Variants in ATE1 observed in about 807,000 individuals in gnomAD.
The protein encoded by ATE1 is arginyltransferase 1.
Under a neutral mutation model 70.5 loss-of-function variants are expected in ATE1, and 36 were observed. The observed-to-expected ratio is 0.51, with a 90% confidence interval of 0.39 to 0.67. The LOEUF (loss-of-function observed/expected upper bound fraction) is 0.67. Ranked by LOEUF, ATE1 falls within the 30% of genes least tolerant of loss-of-function variation. ATE1 has a pLI of 0.00. For synonymous variants in ATE1, 232 were observed against 219.3 expected, an observed-to-expected ratio of 1.06 and a Z score of -0.51; for missense variants, 593 against 629.5, an observed-to-expected ratio of 0.94 and a Z score of 0.62.
intron 7 of ATE1, among the ~76,000 whole-genome samples, chr10:121,894,276 A>G (rs745370932): frequency 4.6e-5 from 7 of 152,194 alleles, no homozygotes; most frequent in Non-Finnish European, 8.8e-5. Flanking sequence ...CACTTCAATG[A>G]AAAGGGACAC....
At chr10:121,834,180 C>T (rs1948350533) in intron 10 of ATE1, among the ~76,000 whole-genome samples, 1 of 152,160 alleles carries the variant, frequency 6.6e-6, no homozygotes, top group Non-Finnish European at 1.5e-5. Context: ...AGAGAGGACC[C>T]TCTGACTACA....
chr10:121,916,339 G>A (rs571449855), intron 3 of ATE1, among the ~76,000 whole-genome samples: 9 of 152,228 alleles, frequency 5.9e-5, no homozygotes, highest in South Asian at 2.1e-4. Context: ...GTAATAATAC[G>A]ATAGTGGAAC....
intron 4 of ATE1, among the ~76,000 whole-genome samples, chr10:121,911,443 A>AAG (rs1564957328): frequency 4.3e-5 from 2 of 46,292 alleles, no homozygotes; most frequent in Non-Finnish European, 6.2e-5. Flanking sequence ...ACAGTAAATT[A>AAG]AAAAAAAAAA....
At chr10:121,871,729 CA>C (rs1203543650) in intron 7 of ATE1, among the ~76,000 whole-genome samples, 1 of 145,236 alleles carries the variant, frequency 6.9e-6, no homozygotes, top group African/African-American at 2.5e-5. Flanking sequence ...CAGTAGGAAG[CA>C]AAAAAAAAGG....
intron 8 of ATE1, among the ~76,000 whole-genome samples, chr10:121,855,335 T>G (rs1415072711): frequency 6.6e-6 from 1 of 152,230 alleles, no homozygotes; most frequent in Non-Finnish European, 1.5e-5. Context: ...TAGATTTCAT[T>G]TATGGTCTCT....
chr10:121,766,739 C>A (rs1178253669), intron 11 of ATE1, among the ~76,000 whole-genome samples: 1 of 151,994 alleles, frequency 6.6e-6, no homozygotes, highest in Non-Finnish European at 1.5e-5. Context: ...CATAATTCAG[C>A]CAATATGAAA....
intron 7 of ATE1, among the ~76,000 whole-genome samples, chr10:121,892,174 G>A (rs777570720): frequency 2.0e-5 from 3 of 151,944 alleles, no homozygotes; most frequent in Non-Finnish European, 2.9e-5. Flanking sequence ...CACAGATAGT[G>A]CACTCTCTAT....
At chr10:121,925,594 T>C (rs1295897115) in intron 1 of ATE1, among the ~76,000 whole-genome samples, 2 of 151,934 alleles carry the variant, frequency 1.3e-5, no homozygotes, top group African/African-American at 2.4e-5. Context: ...ACTAAAGGCT[T>C]CATGAGGTGG....
chr10:121,760,344 T>G (rs1944987323), intron 11 of ATE1, among the ~76,000 whole-genome samples: 1 of 152,234 alleles, frequency 6.6e-6, no homozygotes, highest in African/African-American at 2.4e-5. Flanking sequence ...GAAAACCTTC[T>G]GGAAAGGATC....
rs995036571 is a variant in ATE1, at chr10:121,743,157, C to T, written c.*523G>A. The T allele has an allele frequency of 6.6e-6, 1 of 152,500 alleles. No homozygotes were observed. Among genetic ancestry groups the T allele is most frequent in the Non-Finnish European group, 1.5e-5 (1 of 68,282 alleles). 9.4% of individuals were successfully genotyped at this position (152,500 alleles called of 1,614,324 possible). On this transcript the variant is annotated 3_prime_UTR_variant, in exon 12 of 12. Transcript: ENST00000224652. ...TCAAGTTCTCTATTAAACTACATAA[C>T]ATTTGGCAGCAATTTCACATTGAAC...
chr10:121,837,954 C>T (rs1038226169), intron 9 of ATE1, among the ~76,000 whole-genome samples: 1 of 152,110 alleles, frequency 6.6e-6, no homozygotes, highest in African/African-American at 2.4e-5. Context: ...GTTCTGGCCC[C>T]AAACCTTGGA....
chr10:121,743,809 C>T lies in ATE1; in HGVS notation c.1428G>A (p.Lys476=), dbSNP rs1247309704. The T allele has an allele frequency of 1.9e-6, 3 of 1,613,522 alleles. No homozygotes were observed. The highest frequency in any genetic ancestry group is 2.5e-6 in the Non-Finnish European group (3 of 1,179,950). The change falls in exon 12 of 12, where the codon AAG becomes AAA. Residue 476 remains lysine, a synonymous_variant. Transcript: ENST00000224652. The stretch of plus-strand genomic sequence containing the variant: ...AAACACCGTAAGGCATGATGGCTCT[C>T]TTGTGAAACACCTGCAATCGGTCAG... ...TEPDRLQVFH[K]RAIMPYGVYK...
At chr10:121,743,915 C>CT in intron 11 of ATE1, 57 bp from the exon 12 acceptor site, 7 of 1,169,430 alleles carry the variant, frequency 6.0e-6, no homozygotes, top group Admixed American at 8.2e-5. Flanking sequence ...CTTTTTGTTT[C>CT]CTTTTTTTTT....
chr10:121,781,503 C>T (rs1310599464), intron 11 of ATE1, among the ~76,000 whole-genome samples: 8 of 152,230 alleles, frequency 5.3e-5, no homozygotes, highest in Non-Finnish European at 1.2e-4. Context: ...GACTGAGCTC[C>T]AGTCCTTAGA....
At chr10:121,814,931 T>A (rs1947475373) in intron 10 of ATE1, among the ~76,000 whole-genome samples, 1 of 152,208 alleles carries the variant, frequency 6.6e-6, no homozygotes, top group Non-Finnish European at 1.5e-5. Context: ...CTCAAATATA[T>A]GTGCCAACAG....
intron 11 of ATE1, among the ~76,000 whole-genome samples, chr10:121,749,898 GTATAA>G (rs1415366589): frequency 1.3e-5 from 2 of 152,128 alleles, no homozygotes; most frequent in Admixed American, 6.6e-5. Flanking sequence ...CCTTCAGTGG[GTATAA>G]TATATTAACT....
chr10:121,924,214 T>C, intron 2 of ATE1, 52 bp downstream of exon 2: 1 of 1,560,350 alleles, frequency 6.4e-7, no homozygotes, highest in Non-Finnish European at 8.8e-7. Context: ...ATGCTGTATT[T>C]TTCAAGAACC....
At chr10:121,829,089 C>T (rs1034952498) in intron 10 of ATE1, among the ~76,000 whole-genome samples, 3 of 152,124 alleles carry the variant, frequency 2.0e-5, no homozygotes, top group Non-Finnish European at 4.4e-5. Context: ...GTGTCTAGCA[C>T]GTACCAGGTA....
intron 11 of ATE1, among the ~76,000 whole-genome samples, chr10:121,788,188 T>C (rs528630695): frequency 1.3e-5 from 2 of 152,342 alleles, no homozygotes; most frequent in East Asian, 1.9e-4. Context: ...TATAATACTA[T>C]TGCCTTTGGC....
Sources: allele counts gnomAD v4.1 joint callset (sites outside exome capture counted in the v4.1 genomes callset), GRCh38; gene constraint gnomAD v4.1.1; transcripts MANE v1.5; gene names NCBI Gene and HGNC (gene_info 2026-07-23, HGNC 2026-07-21).